Variants in PLEKHA6 observed in about 807,000 individuals in gnomAD.
PLEKHA6 encodes pleckstrin homology domain containing A6, also known as pleckstrin homology domain-containing family A member 6.
In PLEKHA6, 60 loss-of-function variants were observed where a neutral mutation model predicts 116.7. That is an observed-to-expected ratio of 0.51 (90% CI 0.42 to 0.64). The LOEUF is 0.64. Among genes scored for constraint, PLEKHA6 ranks in the 30% least tolerant of loss-of-function variants. The pLI, the probability that PLEKHA6 is intolerant of heterozygous loss-of-function variation, is 0.00. For missense variants in PLEKHA6, 1,338 were observed against 1,422.7 expected (o/e 0.94, Z 0.96); for synonymous variants, 489 against 556.1 (o/e 0.88, Z 1.70).
At chr1:204,367,187 A>C (rs2103405797) in intron 3 of PLEKHA6, among the ~76,000 whole-genome samples, 1 of 152,180 alleles carries the variant, frequency 6.6e-6, no homozygotes, top group Middle Eastern at 3.4e-3. Context: ...TTCCAAGATT[A>C]AGTCCAGGGC....
intron 1 of PLEKHA6, 28 bp downstream of exon 1, chr1:204,359,666 T>C: frequency 1.0e-6 from 1 of 983,502 alleles, no homozygotes; most frequent in Middle Eastern, 5.2e-4. Context: ...TCCCACCTCA[T>C]CTATGTGATG....
At chr1:204,224,783 C>T (rs929306653) in intron 21 of PLEKHA6, among the ~76,000 whole-genome samples, 1 of 152,204 alleles carries the variant, frequency 6.6e-6, no homozygotes, top group African/African-American at 2.4e-5. Context: ...TGTGCAAATA[C>T]ACTCACAAAC....
At chr1:204,246,741 C>T (rs1266185811) in intron 13 of PLEKHA6, among the ~76,000 whole-genome samples, 3 of 152,220 alleles carry the variant, frequency 2.0e-5, no homozygotes, top group Non-Finnish European at 2.9e-5. Context: ...TTCTAACCCA[C>T]CCCAGGAAGA....
chr1:204,269,545 C>A (rs1026858794), intron 3 of PLEKHA6, among the ~76,000 whole-genome samples: 5 of 151,266 alleles, frequency 3.3e-5, no homozygotes, highest in African/African-American at 1.2e-4. Flanking sequence ...CCACCCCACA[C>A]CCTCACCATC....
In PLEKHA6 at chr1:204,260,319, C is replaced by T. The variant is rs148146616; in HGVS notation, c.525-579G>A. On this transcript the variant is annotated intron_variant, in intron 7 of 22. Coordinates refer to ENST00000272203, the MANE Select transcript of PLEKHA6 (RefSeq NM_014935.5). Reference sequence around the variant, plus strand: ...TGGCGGGCACCAGGAGCAGAAGTTTCTGCTTTCAAACTCACAAGCACATAA... The same window carrying T: ...TGGCGGGCACCAGGAGCAGAAGTTTTTGCTTTCAAACTCACAAGCACATAA... 8.1e-3 allele frequency among the ~76,000 whole-genome samples: 1,234 copies of T among 152,288 alleles called. 9 individuals carry two copies. Among genetic ancestry groups the T allele is most frequent in the Middle Eastern group, 0.031 (9 of 294 alleles).
At chr1:204,232,724 C>A (rs1290437384) in intron 17 of PLEKHA6, among the ~76,000 whole-genome samples, 1 of 152,038 alleles carries the variant, frequency 6.6e-6, no homozygotes, top group Admixed American at 6.6e-5. Context: ...AAGAATGACT[C>A]AGAGCAAAGC....
At chr1:204,342,278 G>A (rs578114124) in intron 1 of PLEKHA6, among the ~76,000 whole-genome samples, 9 of 152,124 alleles carry the variant, frequency 5.9e-5, no homozygotes, top group Non-Finnish European at 1.2e-4. Flanking sequence ...AGGCTGAGGC[G>A]GGAGAATTGT....
intron 1 of PLEKHA6, among the ~76,000 whole-genome samples, chr1:204,312,855 TC>T (rs1346906771): frequency 2.5e-5 from 2 of 79,488 alleles, no homozygotes; most frequent in East Asian, 5.4e-4. Flanking sequence ...TCTTTTCTTT[TC>T]TTTTCTTTTC....
chr1:204,358,871 G>C (rs922392324), intron 1 of PLEKHA6, among the ~76,000 whole-genome samples: 2 of 151,614 alleles, frequency 1.3e-5, no homozygotes, highest in African/African-American at 4.9e-5. Flanking sequence ...CATTTCCCAG[G>C]AGCCTCTTCT....
intron 1 of PLEKHA6, among the ~76,000 whole-genome samples, chr1:204,350,699 T>TG (rs1227396028): frequency 6.6e-6 from 1 of 151,954 alleles, no homozygotes; most frequent in Non-Finnish European, 1.5e-5. Flanking sequence ...GTCTGGGAGA[T>TG]GGGGGCGGGG....
Position 204,228,050 on chromosome 1 carries a change from T to C in PLEKHA6, c.3031+33A>G, listed in dbSNP as rs1660609304. On this transcript the variant is annotated intron_variant, in intron 21 of 22. Coordinates refer to ENST00000272203, the MANE Select transcript of PLEKHA6 (RefSeq NM_014935.5). The surrounding 1 kb of genome is among the most constrained non-coding windows in gnomAD (Gnocchi z 4.0). ...CTTAAACCTGGTCAGCTGGTTTCCC[T>C]GGCAGGGTGGAGCGAGGCCCAGCCC... 2 of 1,605,692 alleles carry C rather than the reference T, an allele frequency of 1.2e-6. No homozygotes were observed. The highest frequency in any genetic ancestry group is 1.3e-5 in the African/African-American group (1 of 74,900).
chr1:204,253,913 C>T (rs1664923310), intron 9 of PLEKHA6, among the ~76,000 whole-genome samples: 1 of 152,116 alleles, frequency 6.6e-6, no homozygotes, highest in South Asian at 2.1e-4. Flanking sequence ...AGGGAGTCTT[C>T]TGGAAGGCTA....
At chr1:204,368,371 C>G (rs556165982) in intron 2 of PLEKHA6, 16 of 152,278 alleles carry the variant, frequency 1.1e-4, no homozygotes, top group African/African-American at 3.8e-4. Context: ...AGGCTGTGCT[C>G]TTTCTGGACA....
intron 1 of PLEKHA6, among the ~76,000 whole-genome samples, chr1:204,373,086 CTTTTTT>C (rs973883787): frequency 1.8e-5 from 2 of 113,430 alleles, no homozygotes; most frequent in Admixed American, 9.0e-5. Context: ...TTTTTTCTTT[CTTTTTT>C]TTTTTTTTTT....
chr1:204,349,556 A>AG (rs1462907351), intron 1 of PLEKHA6, among the ~76,000 whole-genome samples: 1 of 151,748 alleles, frequency 6.6e-6, no homozygotes, highest in Non-Finnish European at 1.5e-5. Context: ...AAAAAAAAAA[A>AG]AAAGAATCCT....
At chr1:204,227,056 G>A (rs1437017716) in intron 21 of PLEKHA6, among the ~76,000 whole-genome samples, 5 of 152,182 alleles carry the variant, frequency 3.3e-5, no homozygotes, top group Non-Finnish European at 7.3e-5. Flanking sequence ...AGGAAATGGA[G>A]CCTCAGAGCA....
chr1:204,230,279 C>A, intron 18 of PLEKHA6, 134 bp downstream of exon 18: 1 of 625,966 alleles, frequency 1.6e-6, no homozygotes, highest in East Asian at 3.1e-5. Context: ...CTCCGGCTCT[C>A]CCAGGTGCCC....
rs781342883 is a variant in PLEKHA6 at position 204,247,341 on chromosome 1, G to A, written c.1920+24C>T. On this transcript the variant is annotated intron_variant, in intron 13 of 22. Coordinates refer to ENST00000272203, the MANE Select transcript of PLEKHA6 (RefSeq NM_014935.5). ...CATCTTTAGTCACATCCCAATCCCC[G>A]CCAGCTCAGGGGCCCTTCTTCACCT... 8.2e-5 allele frequency: 123 copies of A among 1,493,316 alleles called. 1 individual carries two copies. The Admixed American group carries it at 1.4e-3, about 16-fold the overall frequency. The allele number at this position is 1,493,316 out of a possible 1,614,324, so 92.5% of individuals were successfully genotyped here.
chr1:204,243,384 G>A (rs1571837187), intron 15 of PLEKHA6: 1 of 398,402 alleles, frequency 2.5e-6, no homozygotes, highest in Non-Finnish European at 4.4e-6. Flanking sequence ...GGGCCCCTGG[G>A]ACCACTGCAC....
Sources: gnomAD v4.1 joint callset for allele counts (sites outside exome capture counted in the v4.1 genomes callset) on GRCh38, gnomAD v4.1.1 for gene constraint, Gnocchi (gnomAD v3.1) non-coding constraint, MANE v1.5 for transcripts, NCBI Gene and HGNC (gene_info 2026-07-23, HGNC 2026-07-21) for gene names.